RGS7: variants seen among roughly 807,000 people sequenced by gnomAD.
RGS7 encodes the protein regulator of G-protein signaling 7.
RGS7 carries 27 observed loss-of-function variants against 81.1 expected under a neutral mutation model. The ratio of observed to expected loss-of-function variants is 0.33; its 90% CI spans 0.25 to 0.46. The LOEUF (loss-of-function observed/expected upper bound fraction) is 0.46. Among genes scored for constraint, RGS7 ranks in the 20% least tolerant of loss-of-function variants. The probability of loss-of-function intolerance (pLI) is 1.00; values close to 1 mark genes in which losing one functional copy is unlikely to be tolerated. For synonymous variants in RGS7, 208 were observed against 207.7 expected (o/e 1.00, Z -0.01); for missense variants, 396 against 607.4 (o/e 0.65, Z 3.66).
chr1:241,274,873 C>T (rs570240832), intron 2 of RGS7, among the ~76,000 whole-genome samples: 2 of 152,326 alleles, frequency 1.3e-5, no homozygotes, highest in South Asian at 2.1e-4. Context: ...TGTAACATCT[C>T]CCTTTTAAAC....
chr1:241,352,810 G>A (rs552803931), intron 2 of RGS7, among the ~76,000 whole-genome samples: 1 of 152,226 alleles, frequency 6.6e-6, no homozygotes, highest in Non-Finnish European at 1.5e-5. Flanking sequence ...TAGTGATAAC[G>A]AGAGAAACAT....
intron 2 of RGS7, among the ~76,000 whole-genome samples, chr1:241,176,195 T>C (rs938409815): frequency 2.0e-5 from 3 of 152,068 alleles, no homozygotes; most frequent in Non-Finnish European, 4.4e-5. Flanking sequence ...ATATGGGAGA[T>C]AAGGTTGTGA....
In RGS7 at chr1:240,816,408, T is replaced by C. The variant is rs758661574; in HGVS notation, c.692A>G (p.Tyr231Cys). 3.8e-6 allele frequency: 6 copies of C among 1,580,436 alleles called. No individual in the cohort carries two copies. Among genetic ancestry groups the C allele is most frequent in the African/African-American group, 2.7e-5 (2 of 74,228 alleles). Residue 231 changes from tyrosine (Y) to cysteine (C), a missense_variant, in exon 11 of 19, where the codon TAT (tyrosine) becomes TGT (cysteine). Transcript: ENST00000440928. ...RNPHKTRKSVYGLQNDIRSHS... is the reference protein window; with the variant it reads ...RNPHKTRKSVCGLQNDIRSHS... ...ACTTCTAATATCATTTTGTAAACCA[T>C]AGACAGACTATATTAAAATAAAAAA...
In RGS7 at chr1:240,878,805, C is replaced by A. The variant is rs144747086; in HGVS notation, c.386-8686G>T. Among the ~76,000 whole-genome samples, 96 of 152,038 alleles carry A rather than the reference C, an allele frequency of 6.3e-4. 2 individuals are homozygous for A. In the East Asian group the frequency reaches 0.018, roughly 28 times the overall value. On this transcript the variant is annotated intron_variant, in intron 6 of 18. Transcript: ENST00000440928. ...TTAAAATAACATTACTGAGATTTAC[C>A]CAGGCTGTTTTCAATAGATGTAGCT...
chr1:240,915,073 A>G (rs1019745511), intron 6 of RGS7, among the ~76,000 whole-genome samples: 2 of 152,192 alleles, frequency 1.3e-5, no homozygotes, highest in African/African-American at 4.8e-5. Flanking sequence ...GGTTTGCACA[A>G]TGAGGGTCAG....
chr1:241,188,164 A>T (rs761388676), intron 2 of RGS7, among the ~76,000 whole-genome samples: 3 of 108,434 alleles, frequency 2.8e-5, no homozygotes, highest in Admixed American at 1.1e-4. Context: ...ATCATTACAC[A>T]TTGTATGCAT....
chr1:240,886,304 C>T (rs543741197), intron 6 of RGS7, among the ~76,000 whole-genome samples: 1 of 152,162 alleles, frequency 6.6e-6, no homozygotes, highest in Non-Finnish European at 1.5e-5. Flanking sequence ...TGGAACATGA[C>T]ACCCAATGGA....
At chr1:241,339,357 A>G (rs1369299489) in intron 2 of RGS7, among the ~76,000 whole-genome samples, 1 of 152,226 alleles carries the variant, frequency 6.6e-6, no homozygotes, top group Non-Finnish European at 1.5e-5. Flanking sequence ...TAATTATTCA[A>G]TAAATGTTTG....
At chr1:241,038,927 A>G (rs1336176503) in intron 3 of RGS7, among the ~76,000 whole-genome samples, 1 of 152,146 alleles carries the variant, frequency 6.6e-6, no homozygotes, top group Non-Finnish European at 1.5e-5. Context: ...TGATCGCACC[A>G]TTGCACTTCA....
At chr1:241,056,302 C>T (rs765550033) in intron 3 of RGS7, among the ~76,000 whole-genome samples, 12 of 152,212 alleles carry the variant, frequency 7.9e-5, no homozygotes, top group Non-Finnish European at 1.6e-4. Flanking sequence ...GGCATCTTAT[C>T]TCTAAAGTAA....
At chr1:241,141,994 AC>A (rs2067952803) in intron 2 of RGS7, among the ~76,000 whole-genome samples, 1 of 152,248 alleles carries the variant, frequency 6.6e-6, no homozygotes, top group South Asian at 2.1e-4. Context: ...ATTGGCCAAA[AC>A]AAAGGGGCTG....
intron 6 of RGS7, among the ~76,000 whole-genome samples, chr1:240,914,963 T>C (rs995544989): frequency 6.6e-6 from 1 of 152,158 alleles, no homozygotes; most frequent in African/African-American, 2.4e-5. Flanking sequence ...CGAGGCTCAA[T>C]GTGGATTAAT....
chr1:241,119,507 C>G (rs960949701), intron 2 of RGS7, among the ~76,000 whole-genome samples: 3 of 152,208 alleles, frequency 2.0e-5, no homozygotes, highest in African/African-American at 7.2e-5. Flanking sequence ...TTTTCATACT[C>G]CTACTGTACT....
intron 6 of RGS7, among the ~76,000 whole-genome samples, chr1:240,915,177 C>A (rs573165306): frequency 1.3e-5 from 2 of 152,204 alleles, no homozygotes; most frequent in South Asian, 4.1e-4. Flanking sequence ...TGGCCTGTCT[C>A]AAAAGAAACT....
intron 6 of RGS7, among the ~76,000 whole-genome samples, chr1:240,912,059 G>A (rs1671843525): frequency 7.2e-6 from 1 of 139,468 alleles, no homozygotes; most frequent in African/African-American, 2.6e-5. Context: ...GGTGAGGCAA[G>A]AGAATGGCGT....
intron 6 of RGS7, among the ~76,000 whole-genome samples, chr1:240,909,444 T>C (rs1671365277): frequency 6.6e-6 from 1 of 152,170 alleles, no homozygotes; most frequent in Non-Finnish European, 1.5e-5. Flanking sequence ...GTCACTTTAT[T>C]ATTATCGCTA....
At chr1:240,902,164 C>A (rs261802) in intron 6 of RGS7, among the ~76,000 whole-genome samples, 149,441 of 152,338 alleles carry the variant, frequency 0.98, 73,360 homozygotes, top group Middle Eastern at 1. Flanking sequence ...ACTACTAAAA[C>A]CATCAGGGAG....
chr1:241,329,620 T>A (rs751069452), intron 2 of RGS7, among the ~76,000 whole-genome samples: 1 of 152,220 alleles, frequency 6.6e-6, no homozygotes, highest in South Asian at 2.1e-4. Context: ...CCCTTTAATG[T>A]TATTCCATAA....
chr1:241,287,190 A>C (rs940388039), intron 2 of RGS7, among the ~76,000 whole-genome samples: 10 of 152,206 alleles, frequency 6.6e-5, no homozygotes, highest in African/African-American at 2.4e-4. Context: ...GTAATTGACA[A>C]GTGGCAATGA....
Sources: gnomAD v4.1 joint callset for allele counts (sites outside exome capture counted in the v4.1 genomes callset) on GRCh38, gnomAD v4.1.1 for gene constraint, MANE v1.5 for transcripts, NCBI Gene and HGNC (gene_info 2026-07-23, HGNC 2026-07-21) for gene names.